The following ZNF839 variants were observed in gnomAD, a reference collection of about 807,000 sequenced individuals.
ZNF839 encodes renal carcinoma antigen NY-REN-50.
ZNF839 carries 38 observed loss-of-function variants against 56.4 expected under a neutral mutation model. The ratio of observed to expected loss-of-function variants is 0.67; its 90% confidence interval spans 0.52 to 0.88. The LOEUF (loss-of-function observed/expected upper bound fraction) is 0.88. ZNF839 is among the 40% of genes least tolerant of loss of function. The probability of loss-of-function intolerance (pLI) is 0.00; values close to 1 mark genes in which losing one functional copy is unlikely to be tolerated. For missense variants in ZNF839, 1,091 were observed against 1,177.6 expected (o/e 0.93, Z 1.08); for synonymous variants, 486 against 493.5 (o/e 0.98, Z 0.20).
chr14:102,319,252 G>C (rs1343086186), upstream of ZNF839: 3 of 152,236 alleles, frequency 2.0e-5, no homozygotes, highest in African/African-American at 7.2e-5. This position sits in a 1 kb window ranked among gnomAD's most constrained non-coding sequence, Gnocchi z 4.5. Context: ...CACCCAATCT[G>C]GGTGGGTGGG....
At chr14:102,320,221 C>T (rs1243533433) in intron 1 of ZNF839, among the ~76,000 whole-genome samples, 168 bp downstream of exon 1, 1 of 152,202 alleles carries the variant, frequency 6.6e-6, no homozygotes, top group Non-Finnish European at 1.5e-5. Flanking sequence ...TGTCACCACC[C>T]TGGCATTTTC....
rs991567363 is a variant in ZNF839 at position 102,339,124 on chromosome 14, A to T, written c.1828A>T (p.Arg610Trp). 5 of 1,613,602 alleles carry T rather than the reference A, an allele frequency of 3.1e-6. No homozygotes were observed. In the Middle Eastern group the frequency reaches 8.2e-4, roughly 266 times the overall value. ...GGAGGAGGGACTGGCCTCAGTGAAA[A>T]GGCCCAGAAGAGAAGCCCTGTCCAA... Reference protein sequence around the residue: ...AAEEGLASVKRPRREALSNDT... With the variant: ...AAEEGLASVKWPRREALSNDT... Residue 610 changes from arginine to tryptophan, a missense_variant, in exon 7 of 8, where the codon AGG becomes TGG. Arg to Trp is a moderately radical substitution (Grantham distance 101, BLOSUM62 -3). Around this residue, in one of 3 missense-constraint regions of ZNF839, gnomAD observed 431 missense variants for 468.0 expected, o/e 0.92. Coordinates refer to ENST00000442396, the MANE Select transcript of ZNF839 (RefSeq NM_018335.6).
intron 5 of ZNF839, chr14:102,336,757 A>G (rs1885776767): frequency 3.1e-6 from 1 of 327,174 alleles, no homozygotes; most frequent in East Asian, 9.8e-5. Context: ...GTTTTGAAAC[A>G]GGGTTTCCCT....
rs1042481295 is a variant in ZNF839 at position 102,326,310 on chromosome 14, T to C, written c.614T>C (p.Met205Thr). The stretch of plus-strand genomic sequence containing the variant: ...AAGGCTCCAGATGAACAGGGCTCCA[T>C]GTTGACCCCTTTGTCTGCCTCTGAC... The part of the protein sequence containing the change: ...APKAPDEQGS[M>T]LTPLSASDPL... Residue 205 changes from methionine (M) to threonine (T), a missense_variant, in exon 2 of 8, where the codon ATG becomes ACG. This residue lies in a region of ZNF839 where 614 missense variants were observed against 629.2 expected (regional missense o/e 0.98). Coordinates refer to ENST00000442396, the MANE Select transcript of ZNF839 (RefSeq NM_018335.6). This position sits in a 1 kb window ranked among gnomAD's most constrained non-coding sequence, Gnocchi z 4.3. 4 of 1,612,460 alleles carry C rather than the reference T, an allele frequency of 2.5e-6. No homozygotes were observed. Among genetic ancestry groups the C allele is most frequent in the Non-Finnish European group, 3.4e-6 (4 of 1,179,220 alleles).
rs1351659202 is a variant in ZNF839, at chr14:102,326,952, C to T, written c.1191+65C>T. On this transcript the variant is annotated intron_variant, in intron 2 of 7. Coordinates refer to ENST00000442396, the MANE Select transcript of ZNF839 (RefSeq NM_018335.6). This position sits in a 1 kb window ranked among gnomAD's most constrained non-coding sequence, Gnocchi z 4.3. ...GTTCTCGGATTGCTATAAAGAAATA[C>T]CTGAGACCAGGTATTTTATAAAGAA... 9 of 1,440,976 alleles carry T rather than the reference C, an allele frequency of 6.2e-6. No individual in the cohort carries two copies. The highest frequency in any genetic ancestry group is 1.4e-5 in the African/African-American group (1 of 69,860). The allele number at this position is 1,440,976 out of a possible 1,614,324, so 89.3% of individuals were successfully genotyped here.
At chr14:102,340,358 G>C (rs1007151611) in intron 7 of ZNF839, among the ~76,000 whole-genome samples, 1 of 150,124 alleles carries the variant, frequency 6.7e-6, no homozygotes, top group African/African-American at 2.5e-5. Context: ...TGCAACCTCT[G>C]CCTCCCAGGC....
Position 102,322,112 on chromosome 14 carries a change from C to T in ZNF839, c.288+2059C>T, listed in dbSNP as rs758914955. On this transcript the variant is annotated intron_variant, in intron 1 of 7. Transcript: ENST00000442396. ...GCAAAAATTCCCAGCCTTCAAAATG[C>T]CCCTCAGAGATCACAGCTTCTGGGC... 8.5e-5 allele frequency among the ~76,000 whole-genome samples: 13 copies of T among 152,196 alleles called. 1 individual carries two copies. Among genetic ancestry groups the T allele is most frequent in the Admixed American group, 1.3e-4 (2 of 15,274 alleles).
At position 102,331,808 on chromosome 14, in the gene ZNF839, GA is replaced by G. The variant is rs1423635851; in HGVS notation, c.1379del (p.Glu460GlyfsTer35). 1.3e-6 allele frequency: 2 copies of G among 1,588,770 alleles called. No individual in the cohort carries two copies. Among genetic ancestry groups the G allele is most frequent in the Admixed American group, 1.8e-5 (1 of 55,832 alleles). ...ACCTGGTGGCCCTGCTGCGGCAGGG[GA>G]GCAGAGGGCGTCGCCAAGCAAAGCC... The part of the protein sequence containing the change: ...QLPGGPAAAG[E>X]QRASPSKARL... On this transcript the variant is annotated frameshift_variant, in exon 3 of 8. Transcript: ENST00000442396. LOFTEE classifies it high-confidence loss of function.
rs370243689 is a variant in ZNF839 at position 102,326,410 on chromosome 14, G to C, written c.714G>C (p.Glu238Asp). ...FISNLHTRHT[E>D]KLKKSLKVKT... ...CCAACTTGCATACAAGACATACTGA[G>C]AAACTAAAAAAATCGTTAAAAGTAA... The change falls in exon 2 of 8, where the codon GAG becomes GAC. Residue 238 changes from glutamate (E) to aspartate (D), a missense_variant. Coordinates refer to ENST00000442396, the MANE Select transcript of ZNF839 (RefSeq NM_018335.6). The surrounding 1 kb of genome is among the most constrained non-coding windows in gnomAD (Gnocchi z 4.3). 5 of 1,613,350 alleles carry C rather than the reference G, an allele frequency of 3.1e-6. No homozygotes were observed. Among genetic ancestry groups the C allele is most frequent in the African/African-American group, 1.3e-5 (1 of 74,888 alleles).
chr14:102,329,060 C>T (rs1362872210), intron 2 of ZNF839, among the ~76,000 whole-genome samples: 3 of 151,680 alleles, frequency 2.0e-5, no homozygotes. Flanking sequence ...ACCTCTACCT[C>T]CCGGGTTCAA....
At chr14:102,331,527 G>C in intron 2 of ZNF839, 95 bp from the exon 3 acceptor site, 1 of 1,110,476 alleles carries the variant, frequency 9.0e-7, no homozygotes, top group East Asian at 2.6e-5. Context: ...TGGGATTTCA[G>C]GTGTGAGCCA....
chr14:102,334,843 A>G, intron 4 of ZNF839, 197 bp downstream of exon 4: 1 of 235,688 alleles, frequency 4.2e-6, no homozygotes, highest in Admixed American at 5.2e-5. Flanking sequence ...GCTGGTCTCT[A>G]GCAATCCTTC....
intron 2 of ZNF839, among the ~76,000 whole-genome samples, chr14:102,328,492 C>T (rs1162561206): frequency 6.9e-6 from 1 of 145,928 alleles, no homozygotes; most frequent in Non-Finnish European, 1.5e-5. Flanking sequence ...GTGTGTGGTT[C>T]AGGGGTATTA....
chr14:102,327,223 C>T (rs1273292984), intron 2 of ZNF839, among the ~76,000 whole-genome samples: 3 of 152,142 alleles, frequency 2.0e-5, no homozygotes, highest in African/African-American at 4.8e-5. Flanking sequence ...TCACTGCAAC[C>T]TCCGCCTCCC....
chr14:102,339,132 A>G lies in ZNF839; in HGVS notation c.1836A>G (p.Arg612=), dbSNP rs1334840999. The change falls in exon 7 of 8, where the codon AGA becomes AGG. Residue 612 remains arginine, a synonymous_variant. Transcript: ENST00000442396. The part of the protein sequence containing the change: ...EEGLASVKRP[R]REALSNDTTE... The stretch of plus-strand genomic sequence containing the variant: ...GACTGGCCTCAGTGAAAAGGCCCAG[A>G]AGAGAAGCCCTGTCCAACGATACCA... 3 of 1,613,556 alleles carry G rather than the reference A, an allele frequency of 1.9e-6. No homozygotes were observed. Among genetic ancestry groups the G allele is most frequent in the Non-Finnish European group, 8.5e-7 (1 of 1,179,740 alleles).
chr14:102,340,637 G>A lies in ZNF839; in HGVS notation c.1928-686G>A, dbSNP rs1016464926. 2.5e-4 allele frequency among the ~76,000 whole-genome samples: 38 copies of A among 152,122 alleles called. 1 individual carries two copies. The highest frequency in any genetic ancestry group is 9.2e-4 in the African/African-American group (38 of 41,436). Reference sequence around the variant, plus strand: ...CCTGGGGAGGTTATTGTGAAATACAGGGGCCTGGACCTCTGGGAATTCCAG... The same window carrying A: ...CCTGGGGAGGTTATTGTGAAATACAAGGGCCTGGACCTCTGGGAATTCCAG... On this transcript the variant is annotated intron_variant, in intron 7 of 7. Coordinates refer to ENST00000442396, the MANE Select transcript of ZNF839 (RefSeq NM_018335.6).
upstream of ZNF839, among the ~76,000 whole-genome samples, chr14:102,317,855 G>A (rs957704768): frequency 2.0e-5 from 3 of 152,158 alleles, no homozygotes; most frequent in Non-Finnish European, 2.9e-5. Context: ...TGAAGCCAGA[G>A]CAAGTGGATG....
rs1422431550 is a variant in ZNF839 at position 102,335,960 on chromosome 14, CT to C, written c.1659+124del. 4.1e-5 allele frequency: 48 copies of C among 1,160,060 alleles called. 2 individuals carry two copies. The Middle Eastern group carries it at 5.2e-3, about 125-fold the overall frequency. The allele number at this position is 1,160,060 out of a possible 1,614,324, so 71.9% of individuals were successfully genotyped here. On this transcript the variant is annotated intron_variant, in intron 5 of 7. Transcript: ENST00000442396. ...TTGGGAGACTGAGGCAGGTGGATCA[CT>C]TGAGGTCAGGAGTTTGAGACCAGCC...
At position 102,331,826 on chromosome 14, in the gene ZNF839, A is replaced by G; in HGVS notation, c.1396A>G (p.Ser466Gly). The change falls in exon 3 of 8, where the codon AGC (serine) becomes GGC (glycine). Residue 466 changes from serine (S) to glycine (G), a missense_variant. This residue lies in a region of ZNF839 where 614 missense variants were observed against 629.2 expected (regional missense o/e 0.98). Coordinates refer to ENST00000442396, the MANE Select transcript of ZNF839 (RefSeq NM_018335.6). ...AAAGEQRASP[S>G]KARLKEFLQQ... ...GGCAGGGGAGCAGAGGGCGTCGCCA[A>G]GCAAAGCCAGGCTCAAGGAGGTACC... 6.4e-7 allele frequency: 1 copy of G among 1,573,542 alleles called. No individual in the cohort carries two copies. Among genetic ancestry groups the G allele is most frequent in the Non-Finnish European group, 8.6e-7 (1 of 1,162,682 alleles).
Sources: allele counts gnomAD v4.1 joint callset (sites outside exome capture counted in the v4.1 genomes callset), GRCh38; gene constraint gnomAD v4.1.1; regional missense constraint gnomAD v4.1.1; non-coding constraint Gnocchi (gnomAD v3.1); transcripts MANE v1.5; gene names NCBI Gene and HGNC (gene_info 2026-07-23, HGNC 2026-07-21).